The following EFHC2 variants were observed in gnomAD, a reference collection of about 807,000 sequenced individuals.
EFHC2 encodes EF-hand domain-containing family member C2.
Under a neutral mutation model 52.7 loss-of-function variants are expected in EFHC2, and 18 were observed. The observed-to-expected ratio is 0.34, with a 90% CI of 0.24 to 0.51. The LOEUF (loss-of-function observed/expected upper bound fraction) is 0.51, where lower values mean the gene tolerates loss of function less well. EFHC2 is among the 20% of genes least tolerant of loss of function. The pLI, the probability that EFHC2 is intolerant of heterozygous loss-of-function variation, is 0.97. For missense variants in EFHC2, 513 were observed against 562.5 expected (o/e 0.91, Z 0.89); for synonymous variants, 203 against 204.1 (o/e 0.99, Z 0.04).
At chrX:44,232,739 T>C (rs1362528256) in intron 9 of EFHC2, 62 bp from the exon 10 acceptor site, 1 of 1,038,034 alleles carries the variant, frequency 9.6e-7, no homozygotes, top group African/African-American at 1.9e-5. Flanking sequence ...GTGACTTGCC[T>C]TCAGAGTTAC....
intron 1 of EFHC2, among the ~76,000 whole-genome samples, chrX:44,314,524 T>TGAGC (rs2037971082): frequency 1.8e-5 from 2 of 111,181 alleles, no homozygotes; most frequent in African/African-American, 6.6e-5. Context: ...GATGCAGTGG[T>TGAGC]TAGGATGGTG....
intron 11 of EFHC2, among the ~76,000 whole-genome samples, chrX:44,228,221 A>T (rs2037247594): frequency 9.0e-6 from 1 of 111,422 alleles, no homozygotes; most frequent in Admixed American, 9.5e-5. Flanking sequence ...GTGGCCCTTT[A>T]TCCCACCCAC....
chrX:44,260,396 CCCCTTTG>C (rs2037529261), intron 4 of EFHC2, among the ~76,000 whole-genome samples: 1 of 111,555 alleles, frequency 9.0e-6, no homozygotes, highest in Admixed American at 9.5e-5. Context: ...ACCTTCCACC[CCCCTTTG>C]AGTGTTCAAA....
At chrX:44,242,373 A>T in intron 7 of EFHC2, 84 bp from the exon 8 acceptor site, 1 of 1,010,148 alleles carries the variant, frequency 9.9e-7, no homozygotes, top group Non-Finnish European at 1.3e-6. Flanking sequence ...TATGTTTTCA[A>T]GATGAACATG....
chrX:44,340,022 G>A (rs1302914780), intron 1 of EFHC2, among the ~76,000 whole-genome samples: 1 of 110,907 alleles, frequency 9.0e-6, no homozygotes, highest in East Asian at 2.8e-4. Context: ...TAGTACACAC[G>A]CACATACACA....
chrX:44,152,183 CT>C (rs1277664917), intron 14 of EFHC2, among the ~76,000 whole-genome samples: 3 of 111,515 alleles, frequency 2.7e-5, no homozygotes, highest in Admixed American at 9.6e-5. Context: ...GGCTGATACT[CT>C]TTTAAGTGTT....
intron 10 of EFHC2, 130 bp downstream of exon 10, chrX:44,232,351 T>C: frequency 4.6e-6 from 2 of 436,975 alleles, no homozygotes; most frequent in Non-Finnish European, 3.6e-6. Context: ...AATCCATTAT[T>C]CATGCCCACA....
chrX:44,178,186 G>A (rs1234681913), intron 12 of EFHC2, among the ~76,000 whole-genome samples, 181 bp downstream of exon 12: 1 of 93,049 alleles, frequency 1.1e-5, no homozygotes. Flanking sequence ...CCATCACTGG[G>A]AAATATCTGT....
rs775902219 is a variant in EFHC2, at chrX:44,178,485, C to T, written c.1831G>A (p.Glu611Lys). ...VTIARHYRVPEGTCSDMDFLI... is the reference protein window; with the variant it reads ...VTIARHYRVPKGTCSDMDFLI... ...AAATCCATATCTGAACATGTGCCCT[C>T]AGGCACACGGTAGTGACGTGCAATG... The change falls in exon 12 of 15, where the codon GAG becomes AAG. Residue 611 changes from glutamate to lysine, a missense_variant. By Grantham distance (56) the Glu-to-Lys change is moderately conservative. Transcript: ENST00000420999. 7.6e-5 allele frequency: 91 copies of T among 1,205,012 alleles called. No homozygotes were observed. In the East Asian group the frequency reaches 2.5e-3, roughly 34 times the overall value.
chrX:44,208,316 A>G (rs2037064582), intron 11 of EFHC2, among the ~76,000 whole-genome samples: 1 of 112,278 alleles, frequency 8.9e-6, no homozygotes, highest in African/African-American at 3.2e-5. Flanking sequence ...TAAATAAAAG[A>G]GTGAAATCAT....
At chrX:44,274,873 G>C (rs1249544734) in intron 2 of EFHC2, among the ~76,000 whole-genome samples, 1 of 111,108 alleles carries the variant, frequency 9.0e-6, no homozygotes, top group Non-Finnish European at 1.9e-5. Flanking sequence ...GCCTGGGTGA[G>C]AGAACGAGAC....
At chrX:44,252,379 T>C (rs1011281852) in intron 4 of EFHC2, among the ~76,000 whole-genome samples, 7 of 112,039 alleles carry the variant, frequency 6.2e-5, no homozygotes, top group Non-Finnish European at 1.1e-4. Flanking sequence ...TTTCTATCTG[T>C]CGAGGGCAGT....
At chrX:44,195,608 G>A (rs142717390) in intron 11 of EFHC2, among the ~76,000 whole-genome samples, 84 of 111,715 alleles carry the variant, frequency 7.5e-4, no homozygotes, top group African/African-American at 2.7e-3. Context: ...TGTTAAGCTG[G>A]ACCTCAGAAA....
chrX:44,169,751 ACT>A (rs915346453), intron 13 of EFHC2, among the ~76,000 whole-genome samples: 9 of 108,193 alleles, frequency 8.3e-5, no homozygotes, highest in Non-Finnish European at 5.8e-5. Context: ...ACACATACAC[ACT>A]CTCTCTCTCT....
chrX:44,339,666 T>G (rs1290629777), intron 1 of EFHC2, among the ~76,000 whole-genome samples: 1 of 110,492 alleles, frequency 9.1e-6, no homozygotes. Context: ...AAAAGTTAGC[T>G]GTGTTATAAT....
intron 1 of EFHC2, among the ~76,000 whole-genome samples, chrX:44,322,047 C>A: frequency 9.0e-6 from 1 of 110,956 alleles, no homozygotes. Context: ...TAGGAACTTA[C>A]CCTTTCCCCT....
intron 11 of EFHC2, among the ~76,000 whole-genome samples, chrX:44,223,074 C>T (rs942502039): frequency 8.9e-6 from 1 of 112,109 alleles, no homozygotes; most frequent in African/African-American, 3.2e-5. Flanking sequence ...GAAATTCCCA[C>T]GTAAGTTTCC....
At chrX:44,171,512 G>C (rs1373098624) in intron 13 of EFHC2, among the ~76,000 whole-genome samples, 1 of 111,269 alleles carries the variant, frequency 9.0e-6, no homozygotes, top group Non-Finnish European at 1.9e-5. Context: ...CGAACCCAGG[G>C]GTGCATCTTG....
intron 11 of EFHC2, among the ~76,000 whole-genome samples, chrX:44,183,683 G>C (rs2036852590): frequency 8.9e-6 from 1 of 111,891 alleles, no homozygotes; most frequent in Admixed American, 9.5e-5. Flanking sequence ...CTTCACTTTG[G>C]CTTCATACTG....
Sources: allele counts gnomAD v4.1 joint callset (sites outside exome capture counted in the v4.1 genomes callset), GRCh38; gene constraint gnomAD v4.1.1; transcripts MANE v1.5; gene names NCBI Gene and HGNC (gene_info 2026-07-23, HGNC 2026-07-21).